RCC1: variants seen among roughly 807,000 people sequenced by gnomAD.
RCC1 encodes the protein regulator of chromosome condensation.
RCC1 carries 11 observed loss-of-function variants against 44.4 expected under a neutral mutation model. That is an observed-to-expected ratio of 0.25 (90% confidence interval 0.16 to 0.41). The LOEUF (loss-of-function observed/expected upper bound fraction) is 0.41. Ranked by LOEUF, RCC1 falls within the 10% of genes least tolerant of loss-of-function variation. The probability of loss-of-function intolerance (pLI) is 1.00; values close to 1 mark genes in which losing one functional copy is unlikely to be tolerated. For synonymous variants in RCC1, 213 were observed against 216.5 expected (o/e 0.98, Z 0.14); for missense variants, 386 against 547.1 (o/e 0.71, Z 2.94).
chr1:28,519,549 G>T lies in RCC1; in HGVS notation c.-10+2682G>T, dbSNP rs572335124. Among the ~76,000 whole-genome samples, 4 of 152,078 alleles carry T rather than the reference G, an allele frequency of 2.6e-5. No individual in the cohort carries two copies. The South Asian group carries it at 8.3e-4, about 32-fold the overall frequency. ...TTCCTTATCTGTAAAGCAATGGTAG[G>T]GGGCATGTGGTGAGGATATAATTTT... On this transcript the variant is annotated intron_variant, in intron 4 of 12. Coordinates refer to ENST00000683442, the MANE Select transcript of RCC1 (RefSeq NM_001381865.2).
rs200636634 is a variant in RCC1, at chr1:28,536,735, C to T, written c.938-12C>T. 5.0e-4 allele frequency: 814 copies of T among 1,613,484 alleles called. No individual in the cohort carries two copies. Among genetic ancestry groups the T allele is most frequent in the Non-Finnish European group, 6.5e-4 (772 of 1,179,604 alleles). ...CCTCTGCTATTGCTCATCTCTCTCCCTCCTCCCATAGGAAAAGCATACAGC... is the reference window on the plus strand; with the variant it reads ...CCTCTGCTATTGCTCATCTCTCTCCTTCCTCCCATAGGAAAAGCATACAGC... On this transcript the variant is annotated splice_polypyrimidine_tract_variant and intron_variant, in intron 11 of 12. Transcript: ENST00000683442. The surrounding 1 kb of genome is among the most constrained non-coding windows in gnomAD (Gnocchi z 4.9).
At chr1:28,530,445 C>T in intron 5 of RCC1, 1 of 1,340,442 alleles carries the variant, frequency 7.5e-7, no homozygotes, top group Non-Finnish European at 1.0e-6. Context: ...CGGAGGGGGA[C>T]AGGGAGGAGA....
intron 4 of RCC1, among the ~76,000 whole-genome samples, chr1:28,528,605 C>T (rs975040691): frequency 8.6e-5 from 13 of 152,032 alleles, no homozygotes; most frequent in East Asian, 1.9e-4. Context: ...TCCAGCCTGG[C>T]GACAGAGTGA....
chr1:28,507,981 A>G (rs1244037904), intron 1 of RCC1, 147 bp from the exon 2 acceptor site: 1 of 294,864 alleles, frequency 3.4e-6, no homozygotes, highest in Non-Finnish European at 6.8e-6. Flanking sequence ...AGCTGGAGGA[A>G]GGAGAATCGC....
At chr1:28,521,419 T>G (rs1173516758) in intron 4 of RCC1, among the ~76,000 whole-genome samples, 2 of 146,514 alleles carry the variant, frequency 1.4e-5, no homozygotes, top group Non-Finnish European at 3.0e-5. Flanking sequence ...GAGAATGGCG[T>G]GAACCTGGGA....
intron 4 of RCC1, chr1:28,526,330 C>G (rs1170728676): frequency 9.6e-6 from 3 of 313,964 alleles, no homozygotes; most frequent in Non-Finnish European, 1.9e-5. Context: ...TACTTGATGA[C>G]TCCATTGGGG....
intron 4 of RCC1, chr1:28,526,591 CA>C: frequency 1.8e-6 from 1 of 553,260 alleles, no homozygotes; most frequent in Non-Finnish European, 3.4e-6. Flanking sequence ...GTAGGACACA[CA>C]AAGGTGAAAT....
At chr1:28,530,733 G>T (rs1482018715) in intron 5 of RCC1, 2 of 761,144 alleles carry the variant, frequency 2.6e-6, no homozygotes, top group African/African-American at 1.9e-5. Flanking sequence ...TTGGGGGGCC[G>T]CCTTTGGCCC....
intron 7 of RCC1, among the ~76,000 whole-genome samples, chr1:28,533,849 T>C (rs1664361704): frequency 6.9e-4 from 7 of 10,174 alleles, no homozygotes; most frequent in Admixed American, 9.2e-4. Flanking sequence ...TCTTTTCTTT[T>C]TTTTTTTTTT....
intron 1 of RCC1, 69 bp downstream of exon 1, chr1:28,506,153 C>T: frequency 4.4e-6 from 2 of 450,408 alleles, no homozygotes; most frequent in South Asian, 3.1e-5. Context: ...TGCTATAGAT[C>T]AGTAGCCGAG....
chr1:28,524,833 CAAAAAT>C (rs1170573885), intron 4 of RCC1, among the ~76,000 whole-genome samples: 1 of 151,976 alleles, frequency 6.6e-6, no homozygotes, highest in African/African-American at 2.4e-5. Context: ...GACCCTGTCT[CAAAAAT>C]AAATACAAAG....
At chr1:28,523,234 T>A (rs2124635397) in intron 4 of RCC1, among the ~76,000 whole-genome samples, 1 of 152,046 alleles carries the variant, frequency 6.6e-6, no homozygotes, top group East Asian at 1.9e-4. Context: ...GGTTTCACCG[T>A]GGTCTCGATC....
At chr1:28,512,233 G>C (rs990617979) in intron 3 of RCC1, among the ~76,000 whole-genome samples, 1 of 151,230 alleles carries the variant, frequency 6.6e-6, no homozygotes, top group African/African-American at 2.4e-5. Context: ...CACCACGCCC[G>C]GCAGAGCCTT....
intron 3 of RCC1, among the ~76,000 whole-genome samples, chr1:28,511,656 A>G (rs1218001988): frequency 6.7e-6 from 1 of 150,260 alleles, no homozygotes; most frequent in African/African-American, 2.5e-5. Flanking sequence ...GGCGTCAGCC[A>G]CCATGCCCAG....
chr1:28,525,433 T>C (rs1219292877), intron 4 of RCC1, among the ~76,000 whole-genome samples: 1 of 152,124 alleles, frequency 6.6e-6, no homozygotes, highest in African/African-American at 2.4e-5. Context: ...CATTCAGTCT[T>C]GATGACAGCC....
chr1:28,507,416 G>A (rs1284614773), intron 1 of RCC1: 1 of 519,078 alleles, frequency 1.9e-6, no homozygotes, highest in Admixed American at 1.9e-5. Context: ...TGTCCAAGTG[G>A]CGTAGGGGAG....
intron 1 of RCC1, 53 bp from the exon 2 acceptor site, chr1:28,508,075 T>A: frequency 2.4e-6 from 1 of 418,744 alleles, no homozygotes; most frequent in Non-Finnish European, 4.9e-6. Flanking sequence ...AGGCCCCTCG[T>A]TGAAAAAGTT....
Position 28,522,489 on chromosome 1 carries a change from T to C in RCC1, c.-10+5622T>C, listed in dbSNP as rs559017864. On this transcript the variant is annotated intron_variant, in intron 4 of 12. Coordinates refer to ENST00000683442, the MANE Select transcript of RCC1 (RefSeq NM_001381865.2). ...TAAGGAGTCCAAGCAGGCCAGCAGC[T>C]TGCTTCAGGTTTGAGGTTTGGAAAG... Among the ~76,000 whole-genome samples the C allele has an allele frequency of 3.3e-5, 5 of 152,094 alleles. No individual in the cohort carries two copies. In the East Asian group the frequency reaches 9.7e-4, roughly 29 times the overall value.
intron 2 of RCC1, 76 bp downstream of exon 2, chr1:28,508,236 A>G (rs372879040): frequency 1.2e-5 from 5 of 402,286 alleles, no homozygotes; most frequent in African/African-American, 6.2e-5. Flanking sequence ...AGGATTGAAG[A>G]GACTTTTATT....
Sources: gnomAD v4.1 joint callset for allele counts (sites outside exome capture counted in the v4.1 genomes callset) on GRCh38, gnomAD v4.1.1 for gene constraint, Gnocchi (gnomAD v3.1) non-coding constraint, MANE v1.5 for transcripts, NCBI Gene and HGNC (gene_info 2026-07-23, HGNC 2026-07-21) for gene names.